PTPN4: variants seen among roughly 807,000 people sequenced by gnomAD.
PTPN4 encodes protein tyrosine phosphatase non-receptor type 4, also known as tyrosine-protein phosphatase non-receptor type 4.
Under a neutral mutation model 135.5 loss-of-function variants are expected in PTPN4, and 49 were observed. The observed-to-expected ratio is 0.36, with a 90% CI of 0.29 to 0.46. The LOEUF (loss-of-function observed/expected upper bound fraction) is 0.46, where lower values mean the gene tolerates loss of function less well. Ranked by LOEUF, PTPN4 falls within the 20% of genes least tolerant of loss-of-function variation. The probability of loss-of-function intolerance (pLI) is 1.00; values close to 1 mark genes in which losing one functional copy is unlikely to be tolerated. For missense variants in PTPN4, 860 were observed against 1,101.0 expected (o/e 0.78, Z 3.10); for synonymous variants, 333 against 369.9 (o/e 0.90, Z 1.14).
At chr2:119,928,203 T>C (rs1053338541) in intron 13 of PTPN4, among the ~76,000 whole-genome samples, 1 of 152,178 alleles carries the variant, frequency 6.6e-6, no homozygotes, top group Admixed American at 6.5e-5. Flanking sequence ...TCATTTATAA[T>C]GGCAATAAAT....
intron 2 of PTPN4, among the ~76,000 whole-genome samples, chr2:119,852,415 T>C (rs546845604): frequency 6.6e-6 from 1 of 152,344 alleles, no homozygotes; most frequent in African/African-American, 2.4e-5. Flanking sequence ...GCAACACCCT[T>C]CCACCAAAGT....
At chr2:119,830,200 A>G (rs908894782) in intron 2 of PTPN4, among the ~76,000 whole-genome samples, 2 of 152,014 alleles carry the variant, frequency 1.3e-5, no homozygotes, top group African/African-American at 2.4e-5. Context: ...TTAATTTTCT[A>G]TATGGTATGA....
At chr2:119,815,844 G>GT (rs1187387329) in intron 2 of PTPN4, among the ~76,000 whole-genome samples, 4 of 152,202 alleles carry the variant, frequency 2.6e-5, no homozygotes, top group African/African-American at 9.6e-5. Context: ...AGATTTTATT[G>GT]TTTTTTGTAA....
Position 119,928,534 on chromosome 2 carries a change from G to T in PTPN4, c.1070+1868G>T, listed in dbSNP as rs990482836. Among the ~76,000 whole-genome samples the T allele has an allele frequency of 5.3e-5, 8 of 151,898 alleles. No homozygotes were observed. In the East Asian group the frequency reaches 1.5e-3, roughly 29 times the overall value. Reference sequence around the variant, plus strand: ...GGAAAATTTGCACTGCAATATGAGGGGGTTGGACCAAACGGTGTCATGAGT... The same window carrying T: ...GGAAAATTTGCACTGCAATATGAGGTGGTTGGACCAAACGGTGTCATGAGT... On this transcript the variant is annotated intron_variant, in intron 13 of 26. Coordinates refer to ENST00000263708, the MANE Select transcript of PTPN4 (RefSeq NM_002830.4).
chr2:119,900,951 A>ACCT, intron 10 of PTPN4, 145 bp downstream of exon 10: 2 of 444,380 alleles, frequency 4.5e-6, no homozygotes, highest in Non-Finnish European at 7.9e-6. Context: ...CTTAGTTAGC[A>ACCT]CCTACCAGAA....
chr2:119,951,911 C>T, intron 18 of PTPN4, 62 bp from the exon 19 acceptor site: 2 of 1,353,892 alleles, frequency 1.5e-6, no homozygotes, highest in Admixed American at 4.7e-5. Flanking sequence ...AAAATAAATT[C>T]CTGTGCTCTA....
chr2:119,968,783 C>T (rs988629952), intron 26 of PTPN4, among the ~76,000 whole-genome samples: 5 of 151,936 alleles, frequency 3.3e-5, no homozygotes, highest in African/African-American at 4.8e-5. Flanking sequence ...CAGAGTGCGA[C>T]TCAGTCTCAA....
At chr2:119,838,121 G>A (rs1440774849) in intron 2 of PTPN4, among the ~76,000 whole-genome samples, 3 of 152,180 alleles carry the variant, frequency 2.0e-5, no homozygotes. Context: ...GGGAAAATGT[G>A]AACACTTTTT....
intron 9 of PTPN4, among the ~76,000 whole-genome samples, chr2:119,888,962 C>T (rs1232121432): frequency 5.9e-5 from 9 of 152,184 alleles, no homozygotes; most frequent in Middle Eastern, 3.4e-3. Context: ...TGGTCCTGGG[C>T]GTTTCTGTGT....
chr2:119,902,004 A>C (rs1216619707), intron 10 of PTPN4, among the ~76,000 whole-genome samples: 1 of 152,220 alleles, frequency 6.6e-6, no homozygotes, highest in Non-Finnish European at 1.5e-5. Flanking sequence ...GATCAGAAGA[A>C]ATAAATATCT....
rs1677776724 is a variant in PTPN4, at chr2:119,862,577, G to A, written c.180G>A (p.Lys60=). The part of the protein sequence containing the change: ...QGQVLLDVVF[K]HLDLTEQDYF... ...AAGTCTTGTTGGATGTCGTCTTCAA[G>A]CATCTAGATTTGACTGAGCAGGACT... The change falls in exon 3 of 27, where the codon AAG becomes AAA. Residue 60 remains lysine (K), a synonymous_variant. Coordinates refer to ENST00000263708, the MANE Select transcript of PTPN4 (RefSeq NM_002830.4). 1 of 1,612,586 alleles carries A rather than the reference G, an allele frequency of 6.2e-7. No individual in the cohort carries two copies. Among genetic ancestry groups the A allele is most frequent in the Middle Eastern group, 1.7e-4 (1 of 6,054 alleles).
At chr2:119,782,523 T>C (rs1009779236) in intron 1 of PTPN4, among the ~76,000 whole-genome samples, 12 of 152,016 alleles carry the variant, frequency 7.9e-5, no homozygotes, top group Admixed American at 6.6e-4. Flanking sequence ...AGATTATAGA[T>C]CACAAAAAGT....
chr2:119,973,652 CTTGTTTTTTT>C (rs1282669351), intron 26 of PTPN4, among the ~76,000 whole-genome samples: 16 of 18,090 alleles, frequency 8.8e-4, no homozygotes, highest in African/African-American at 3.7e-3. Context: ...TCCTTCATTT[CTTGTTTTTTT>C]TTTTTTTTTT....
In PTPN4 at chr2:119,909,725, C is replaced by G. The variant is rs541473884; in HGVS notation, c.765-5454C>G. Reference sequence around the variant, plus strand: ...TTACCATTCTAGATGCCATTGAGAACATTCATGATTCATGGTAGAAGGTCA... The same window carrying G: ...TTACCATTCTAGATGCCATTGAGAAGATTCATGATTCATGGTAGAAGGTCA... On this transcript the variant is annotated intron_variant, in intron 10 of 26. Transcript: ENST00000263708. Among the ~76,000 whole-genome samples the G allele has an allele frequency of 2.0e-5, 3 of 152,230 alleles. No homozygotes were observed. In the East Asian group the frequency reaches 5.8e-4, roughly 29 times the overall value.
intron 2 of PTPN4, among the ~76,000 whole-genome samples, chr2:119,847,275 T>TATAC (rs1553451350): frequency 4.4e-4 from 47 of 107,526 alleles, no homozygotes; most frequent in African/African-American, 1.6e-3. Flanking sequence ...ATACTCTATA[T>TATAC]ACACACACAC....
At chr2:119,778,468 C>G (rs921674866) in intron 1 of PTPN4, among the ~76,000 whole-genome samples, 4 of 152,202 alleles carry the variant, frequency 2.6e-5, no homozygotes, top group African/African-American at 9.7e-5. Flanking sequence ...GCATCTAGCA[C>G]TGTGTCTAGC....
chr2:119,800,051 C>G (rs183095553), intron 1 of PTPN4, among the ~76,000 whole-genome samples: 1 of 151,974 alleles, frequency 6.6e-6, no homozygotes. Context: ...GGAGATAATA[C>G]CTTATTAAAG....
At chr2:119,907,200 A>C (rs565019390) in intron 10 of PTPN4, among the ~76,000 whole-genome samples, 6 of 152,354 alleles carry the variant, frequency 3.9e-5, no homozygotes, top group African/African-American at 1.4e-4. Flanking sequence ...TAGAAAAATT[A>C]GTACTGTGAA....
At chr2:119,907,454 A>G (rs868353344) in intron 10 of PTPN4, among the ~76,000 whole-genome samples, 1 of 152,126 alleles carries the variant, frequency 6.6e-6, no homozygotes, top group African/African-American at 2.4e-5. Context: ...ATTTTTAAAA[A>G]TTAGCTGGGC....
Sources: allele counts gnomAD v4.1 joint callset (sites outside exome capture counted in the v4.1 genomes callset), GRCh38; gene constraint gnomAD v4.1.1; transcripts MANE v1.5; gene names NCBI Gene and HGNC (gene_info 2026-07-23, HGNC 2026-07-21).